LONRF2: variants seen among roughly 807,000 people sequenced by gnomAD.
LONRF2 encodes the protein LON peptidase N-terminal domain and RING finger protein 2.
Under a neutral mutation model 66.6 loss-of-function variants are expected in LONRF2, and 35 were observed. The ratio of observed to expected loss-of-function variants is 0.53; its 90% CI spans 0.40 to 0.70. LONRF2 has a LOEUF of 0.70. Among genes scored for constraint, LONRF2 ranks in the 30% least tolerant of loss-of-function variants. The pLI, the probability that LONRF2 is intolerant of heterozygous loss-of-function variation, is 0.00. For missense variants in LONRF2, 902 were observed against 1,002.1 expected (o/e 0.90, Z 1.35); for synonymous variants, 417 against 418.1 (o/e 1.00, Z 0.03).
chr2:100,319,293 A>G (rs1235910253), intron 1 of LONRF2, among the ~76,000 whole-genome samples: 1 of 152,206 alleles, frequency 6.6e-6, no homozygotes, highest in Non-Finnish European at 1.5e-5. Context: ...AAATGAATAC[A>G]TTCTATATAA....
chr2:100,298,517 G>T (rs943634166), intron 7 of LONRF2, among the ~76,000 whole-genome samples: 6 of 152,148 alleles, frequency 3.9e-5, no homozygotes, highest in Non-Finnish European at 8.8e-5. Flanking sequence ...GAGAATTCCT[G>T]GAGCACATTA....
At chr2:100,287,123 C>A in intron 10 of LONRF2, 60 bp from the exon 11 acceptor site, 2 of 1,492,808 alleles carry the variant, frequency 1.3e-6, no homozygotes, top group South Asian at 2.7e-5. Flanking sequence ...GTAACACAGT[C>A]AGCGACCTCT....
At chr2:100,285,312 A>G (rs1425843961) in intron 11 of LONRF2, among the ~76,000 whole-genome samples, 1 of 152,216 alleles carries the variant, frequency 6.6e-6, no homozygotes, top group African/African-American at 2.4e-5. Context: ...AGCCCAAGTC[A>G]CTGTGAGGAA....
intron 1 of LONRF2, among the ~76,000 whole-genome samples, chr2:100,318,098 G>A (rs1282799374): frequency 2.0e-5 from 3 of 151,994 alleles, no homozygotes; most frequent in East Asian, 1.9e-4. Flanking sequence ...CAATTTCATC[G>A]ATGTTGGAAC....
chr2:100,295,336 G>A, intron 8 of LONRF2, 96 bp downstream of exon 8: 1 of 1,207,108 alleles, frequency 8.3e-7, no homozygotes, highest in Non-Finnish European at 1.1e-6. Flanking sequence ...CAGACCAAGA[G>A]AGTTCTCTGC....
Position 100,299,853 on chromosome 2 carries a change from A to G in LONRF2, c.1131T>C (p.Gly377=), listed in dbSNP as rs11123823. 700,098 of 1,608,764 alleles carry G rather than the reference A, an allele frequency of 0.44. 161,418 individuals are homozygous for G. Among genetic ancestry groups the G allele is most frequent in the East Asian group, 0.49 (21,889 of 44,816 alleles). Residue 377 remains glycine (G), a synonymous_variant, in exon 5 of 12, where the codon GGT becomes GGC. Coordinates refer to ENST00000393437, the MANE Select transcript of LONRF2 (RefSeq NM_198461.4). ...CCTTTTTATCCTCTTCAAAGTGTAG[A>G]CCCAGTATAAAATACAAAACTGAAG... The part of the protein sequence containing the change: ...TNSSVLYFIL[G]LHFEEDKKAL...
chr2:100,286,918 G>A lies in LONRF2; in HGVS notation c.2066C>T (p.Pro689Leu), dbSNP rs1674857197. Reference protein sequence around the residue: ...FGVMPDREPEPQSNPSGPAWS... With the variant: ...FGVMPDREPELQSNPSGPAWS... ...AAGGAAAAAGGGAGGGCATACCTGAGGCTCAGGTTCTCTGTCTGGCATTAC... is the reference window on the plus strand; with the variant it reads ...AAGGAAAAAGGGAGGGCATACCTGAAGCTCAGGTTCTCTGTCTGGCATTAC... The change falls in exon 11 of 12, where the codon CCT (proline) becomes CTT (leucine). Residue 689 changes from proline to leucine, a missense_variant. Around this residue, in one of 2 missense-constraint regions of LONRF2, gnomAD observed 317 missense variants for 432.2 expected, o/e 0.73. Transcript: ENST00000393437. 3.7e-6 allele frequency: 6 copies of A among 1,613,544 alleles called. No individual in the cohort carries two copies. In the South Asian group the frequency reaches 6.6e-5, roughly 18 times the overall value.
At chr2:100,299,438 G>A in intron 5 of LONRF2, 119 bp from the exon 6 acceptor site, 1 of 629,698 alleles carries the variant, frequency 1.6e-6, no homozygotes, top group Non-Finnish European at 2.7e-6. Flanking sequence ...ATCACACTGG[G>A]CAGAAATAGT....
intron 10 of LONRF2, 122 bp downstream of exon 10, chr2:100,290,131 ATAACT>A (rs71973664): frequency 0.034 from 30,311 of 896,182 alleles, 623 homozygotes; most frequent in Non-Finnish European, 0.04. Flanking sequence ...AGATAAATAA[ATAACT>A]TAAGTGATGA....
In LONRF2 at chr2:100,302,941, C is replaced by A. The variant is rs753016491; in HGVS notation, c.901G>T (p.Val301Leu). ...CLALNPECNS[V>L]KKEAQKVMCE... Reference sequence around the variant, plus strand: ...CATACCTTCTGTGCTTCTTTCTTCACAGAGTTACATTCAGGATTCAGAGCA... The same window carrying A: ...CATACCTTCTGTGCTTCTTTCTTCAAAGAGTTACATTCAGGATTCAGAGCA... Residue 301 changes from valine (V) to leucine (L), a missense_variant, in exon 3 of 12, where the codon GTG becomes TTG. By Grantham distance (32) the Val-to-Leu change is conservative. This residue lies in a region of LONRF2 where 585 missense variants were observed against 569.9 expected (regional missense o/e 1.03). Transcript: ENST00000393437. The A allele has an allele frequency of 4.4e-6, 7 of 1,604,438 alleles. No homozygotes were observed. The Admixed American group carries it at 1.2e-4, about 27-fold the overall frequency.
At chr2:100,318,795 G>C (rs1675562769) in intron 1 of LONRF2, among the ~76,000 whole-genome samples, 2 of 147,232 alleles carry the variant, frequency 1.4e-5, no homozygotes, top group South Asian at 2.1e-4. Flanking sequence ...TCATGTCACT[G>C]CAGTCCAGCC....
intron 1 of LONRF2, among the ~76,000 whole-genome samples, chr2:100,316,791 A>G (rs1675517605): frequency 6.6e-6 from 1 of 152,190 alleles, no homozygotes; most frequent in South Asian, 2.1e-4. Flanking sequence ...TTTGTTCAAC[A>G]TCTCCAATTA....
In LONRF2 at chr2:100,277,631, G is replaced by A. The variant is rs192629184; in HGVS notation, c.*6667C>T. On this transcript the variant is annotated 3_prime_UTR_variant, in exon 12 of 12. Coordinates refer to ENST00000393437, the MANE Select transcript of LONRF2 (RefSeq NM_198461.4). ...ATTGCCAACCCTCATATAAATGATG[G>A]AGCCCAAGAGAATGTTGCTGCTTCC... is the stretch of plus-strand genomic sequence containing the variant. 3.3e-5 allele frequency: 5 copies of A among 152,258 alleles called. No individual in the cohort carries two copies. The highest frequency in any genetic ancestry group is 3.3e-4 in the Admixed American group (5 of 15,290). 9.4% of individuals were successfully genotyped at this position (152,258 alleles called of 1,614,324 possible). A position where few individuals can be genotyped will look rare whatever the true frequency, so the allele number is the denominator to read the frequency against.
At chr2:100,284,778 A>G (rs1674811717) in intron 11 of LONRF2, among the ~76,000 whole-genome samples, 1 of 152,202 alleles carries the variant, frequency 6.6e-6, no homozygotes, top group Non-Finnish European at 1.5e-5. Flanking sequence ...TTCAGTTAAG[A>G]GTATATACCA....
Position 100,284,459 on chromosome 2 carries a change from T to G in LONRF2, c.2104A>C (p.Ile702Leu), listed in dbSNP as rs1255311482. The change falls in exon 12 of 12, where the codon ATC becomes CTC. Residue 702 changes from isoleucine (I) to leucine (L), a missense_variant. Around this residue, in one of 2 missense-constraint regions of LONRF2, gnomAD observed 317 missense variants for 432.2 expected, o/e 0.73. Transcript: ENST00000393437. ...CGCTCCAGGGGCAGCACGGCCAGGA[T>G]CCACCAGGACCAGGCAGGGCCGCTG... ...NPSGPAWSWW[I>L]LAVLPLERKA... 6.2e-7 allele frequency: 1 copy of G among 1,607,944 alleles called. No individual in the cohort carries two copies. Among genetic ancestry groups the G allele is most frequent in the East Asian group, 2.2e-5 (1 of 44,732 alleles).
At chr2:100,300,615 G>A in intron 4 of LONRF2, 29 bp downstream of exon 4, 2 of 1,580,738 alleles carry the variant, frequency 1.3e-6, no homozygotes, top group Non-Finnish European at 1.7e-6. Context: ...TTAATCAAGA[G>A]AATCCTGACA....
Position 100,299,836 on chromosome 2 carries a change from T to A in LONRF2, c.1148A>T (p.Asp383Val), listed in dbSNP as rs2105724881. The A allele has an allele frequency of 6.2e-7, 1 of 1,613,360 alleles. No homozygotes were observed. Among genetic ancestry groups the A allele is most frequent in the Non-Finnish European group, 8.5e-7 (1 of 1,179,410 alleles). Residue 383 changes from aspartate (D) to valine (V), a missense_variant, in exon 5 of 12, where the codon GAT becomes GTT. Asp to Val is a radical substitution (Grantham distance 152, BLOSUM62 -3). This residue lies in a region of LONRF2 where 585 missense variants were observed against 569.9 expected (regional missense o/e 1.03). Coordinates refer to ENST00000393437, the MANE Select transcript of LONRF2 (RefSeq NM_198461.4). The stretch of plus-strand genomic sequence containing the variant: ...AAGGATGCTTTCTAACGCCTTTTTA[T>A]CCTCTTCAAAGTGTAGACCCAGTAT... ...YFILGLHFEEDKKALESILPT... is the reference protein window; with the variant it reads ...YFILGLHFEEVKKALESILPT...
chr2:100,302,150 A>G (rs1345817400), intron 3 of LONRF2, among the ~76,000 whole-genome samples: 1 of 152,254 alleles, frequency 6.6e-6, no homozygotes, highest in Non-Finnish European at 1.5e-5. Flanking sequence ...AACACAGGGT[A>G]CATTAGAACA....
At position 100,300,783 on chromosome 2, in the gene LONRF2, A is replaced by G; in HGVS notation, c.926T>C (p.Met309Thr). The part of the protein sequence containing the change: ...NSVKKEAQKV[M>T]CEVLFSATAN... ...TGTAGCTGAAAACAGCACTTCACAC[A>G]TTACCTATAAAATTGCCAAGAAAAG... is the stretch of plus-strand genomic sequence containing the variant. Residue 309 changes from methionine to threonine, a missense_variant, in exon 4 of 12, where the codon ATG (methionine) becomes ACG (threonine). By Grantham distance (81) the Met-to-Thr change is moderately conservative. Around this residue, in one of 2 missense-constraint regions of LONRF2, gnomAD observed 585 missense variants for 569.9 expected, o/e 1.03. Transcript: ENST00000393437. 1 of 1,584,316 alleles carries G rather than the reference A, an allele frequency of 6.3e-7. No homozygotes were observed. Among genetic ancestry groups the G allele is most frequent in the Non-Finnish European group, 8.5e-7 (1 of 1,171,294 alleles).
Sources: gnomAD v4.1 joint callset for allele counts (sites outside exome capture counted in the v4.1 genomes callset) on GRCh38, gnomAD v4.1.1 for gene constraint, gnomAD v4.1.1 regional missense constraint, MANE v1.5 for transcripts, NCBI Gene and HGNC (gene_info 2026-07-23, HGNC 2026-07-21) for gene names.